Variants in LPIN2 observed in about 807,000 individuals in gnomAD.
LPIN2 encodes the protein lipin 2, also known as phosphatidate phosphatase LPIN2.
In LPIN2, 55 loss-of-function variants were observed where a neutral mutation model predicts 111.4. The observed-to-expected ratio is 0.49, with a 90% CI of 0.40 to 0.62. The LOEUF (loss-of-function observed/expected upper bound fraction) is 0.62. Among genes scored for constraint, LPIN2 ranks in the 20% least tolerant of loss-of-function variants. The pLI is 0.00. For synonymous variants in LPIN2, 425 were observed against 414.0 expected (o/e 1.03, Z -0.32); for missense variants, 992 against 1,112.1 (o/e 0.89, Z 1.54).
At chr18:3,010,032 A>G (rs2078576629) in intron 1 of LPIN2, among the ~76,000 whole-genome samples, 1 of 152,140 alleles carries the variant, frequency 6.6e-6, no homozygotes, top group African/African-American at 2.4e-5. Flanking sequence ...TCCTGCTGAA[A>G]ATCAAGAGCA....
Position 3,013,134 on chromosome 18 carries a change from G to C in LPIN2, c.-57C>G, listed in dbSNP as rs929908227. 5.3e-5 allele frequency: 8 copies of C among 150,612 alleles called. No individual in the cohort carries two copies. The highest frequency in any genetic ancestry group is 1.2e-4 in the Non-Finnish European group (8 of 67,430). 9.3% of individuals were successfully genotyped at this position (150,612 alleles called of 1,614,324 possible). A position where few individuals can be genotyped will look rare whatever the true frequency, so the allele number is the denominator to read the frequency against. On this transcript the variant is annotated 5_prime_UTR_variant, in exon 1 of 20. Coordinates refer to ENST00000677752, the MANE Select transcript of LPIN2 (RefSeq NM_001375808.2). Reference sequence around the variant, plus strand: ...CAGCGGGCGGCTGAGGGCAGGCGGCGGCTGGACTGCGACGGCTAGGACCCG... The same window carrying C: ...CAGCGGGCGGCTGAGGGCAGGCGGCCGCTGGACTGCGACGGCTAGGACCCG...
At chr18:2,938,171 A>G (rs995731010) in intron 6 of LPIN2, 134 bp from the exon 7 acceptor site, 31 of 698,036 alleles carry the variant, frequency 4.4e-5, no homozygotes, top group Non-Finnish European at 7.1e-5. Flanking sequence ...GTACATGTAA[A>G]AATTCCATAA....
intron 1 of LPIN2, among the ~76,000 whole-genome samples, chr18:2,985,617 GT>G (rs2078176970): frequency 6.6e-6 from 1 of 151,914 alleles, no homozygotes; most frequent in Non-Finnish European, 1.5e-5. Context: ...TACCTTCTTT[GT>G]TTTTGTTTTT....
intron 4 of LPIN2, among the ~76,000 whole-genome samples, chr18:2,949,337 C>T (rs920012892): frequency 1.3e-5 from 2 of 152,124 alleles, no homozygotes; most frequent in African/African-American, 4.8e-5. Flanking sequence ...TGAAACTCTT[C>T]TCAGCTAGTA....
intron 1 of LPIN2, among the ~76,000 whole-genome samples, chr18:2,973,785 G>T (rs1768822513): frequency 6.6e-6 from 1 of 152,172 alleles, no homozygotes; most frequent in African/African-American, 2.4e-5. Flanking sequence ...AAACACATAG[G>T]CTGAAGGTAA....
intron 1 of LPIN2, among the ~76,000 whole-genome samples, chr18:2,961,558 C>T (rs912906333): frequency 2.0e-5 from 3 of 152,152 alleles, no homozygotes; most frequent in Non-Finnish European, 2.9e-5. Context: ...ATTCACTATT[C>T]AAATCACAAT....
At chr18:2,940,757 G>C (rs752355794) in intron 4 of LPIN2, 45 bp from the exon 5 acceptor site, 1 of 1,176,664 alleles carries the variant, frequency 8.5e-7, no homozygotes, top group Non-Finnish European at 1.3e-6. Context: ...TGACATTCTT[G>C]TCAGCTTTAA....
Position 2,925,342 on chromosome 18 carries a change from T to G in LPIN2, c.1820A>C (p.Asp607Ala). ...TTCTTCGAGCTCCTGTGATCCCTCG[T>G]CACTCGAGGAGTCATTCTCGGCCGG... ...ARPAENDSSS[D>A]EGSQELEESI... Residue 607 changes from aspartate (D) to alanine (A), a missense_variant, in exon 14 of 20, where the codon GAC becomes GCC. Physicochemically the swap from Asp to Ala is moderately radical, Grantham distance 126 (BLOSUM62 -2). Around this residue, in one of 4 missense-constraint regions of LPIN2, gnomAD observed 709 missense variants for 753.2 expected, o/e 0.94. Transcript: ENST00000677752. The surrounding 1 kb of genome is among the most constrained non-coding windows in gnomAD (Gnocchi z 4.1). The G allele has an allele frequency of 6.2e-7, 1 of 1,614,142 alleles. No homozygotes were observed. Among genetic ancestry groups the G allele is most frequent in the Non-Finnish European group, 8.5e-7 (1 of 1,180,012 alleles).
intron 1 of LPIN2, among the ~76,000 whole-genome samples, chr18:2,999,479 C>G (rs2078397181): frequency 6.6e-6 from 1 of 152,070 alleles, no homozygotes; most frequent in Non-Finnish European, 1.5e-5. Context: ...GTTGCAGGCG[C>G]CTGTAGTCCC....
intron 1 of LPIN2, 101 bp downstream of exon 1, chr18:3,012,986 A>G (rs1408903097): frequency 2.7e-5 from 4 of 150,792 alleles, no homozygotes; most frequent in African/African-American, 7.3e-5. Flanking sequence ...GGCCTCCGGC[A>G]GGACAGCCCC....
chr18:2,940,725 A>C lies in LPIN2; in HGVS notation c.591-13T>G, dbSNP rs759793736. The C allele has an allele frequency of 2.0e-6, 3 of 1,506,538 alleles. No homozygotes were observed. The highest frequency in any genetic ancestry group is 2.3e-5 in the South Asian group (2 of 88,734). 93.3% of individuals were successfully genotyped at this position (1,506,538 alleles called of 1,614,324 possible). On this transcript the variant is annotated splice_polypyrimidine_tract_variant and intron_variant, in intron 4 of 19. Transcript: ENST00000677752. The stretch of plus-strand genomic sequence containing the variant: ...ATTTGAAGATCCTCTGTGAAGGAGA[A>C]ACCAAAGAAAGGCAGGAACGATGAC...
At chr18:2,983,701 T>G (rs1052046478) in intron 1 of LPIN2, among the ~76,000 whole-genome samples, 3 of 152,020 alleles carry the variant, frequency 2.0e-5, no homozygotes, top group African/African-American at 7.2e-5. Flanking sequence ...GAAAAGAGAA[T>G]AAAAAAACTC....
At chr18:2,940,791 C>T in intron 4 of LPIN2, 79 bp from the exon 5 acceptor site, 1 of 804,456 alleles carries the variant, frequency 1.2e-6, no homozygotes, top group Non-Finnish European at 2.1e-6. Flanking sequence ...CCTACTGATA[C>T]TACAAACAAT....
At chr18:2,988,167 T>C (rs1249498257) in intron 1 of LPIN2, among the ~76,000 whole-genome samples, 2 of 152,074 alleles carry the variant, frequency 1.3e-5, no homozygotes, top group Non-Finnish European at 2.9e-5. Flanking sequence ...TCTCTCCAAA[T>C]TTCTGGTTCT....
chr18:2,929,251 A>G (rs2077180269), intron 9 of LPIN2, 93 bp from the exon 10 acceptor site: 2 of 869,570 alleles, frequency 2.3e-6, no homozygotes. Context: ...ATTGAAGGCT[A>G]AAATCATCTG....
At chr18:2,988,621 T>G (rs1021827923) in intron 1 of LPIN2, among the ~76,000 whole-genome samples, 1 of 152,184 alleles carries the variant, frequency 6.6e-6, no homozygotes, top group South Asian at 2.1e-4. Flanking sequence ...AAAGCCTCAA[T>G]GCACTAAGTA....
intron 1 of LPIN2, among the ~76,000 whole-genome samples, chr18:2,971,508 GA>G (rs2077910895): frequency 6.6e-6 from 1 of 152,156 alleles, no homozygotes; most frequent in African/African-American, 2.4e-5. Flanking sequence ...GTAAGGAAGA[GA>G]AAAGTCCCGC....
rs3765622 is a variant in LPIN2 at position 2,934,538 on chromosome 18, G to C, written c.1169-88C>G. The C allele has an allele frequency of 0.31, 259,290 of 829,746 alleles. 43,653 individuals carry two copies. Among genetic ancestry groups the C allele is most frequent in the East Asian group, 0.59 (22,385 of 37,982 alleles). 51.4% of individuals were successfully genotyped at this position (829,746 alleles called of 1,614,324 possible). A position where few individuals can be genotyped will look rare whatever the true frequency, so the allele number is the denominator to read the frequency against. The stretch of plus-strand genomic sequence containing the variant: ...ACACGCACGTTTGCAAACAGTAAGA[G>C]TGACAAGCAGGATTTGAATAGGGTT... On this transcript the variant is annotated intron_variant, in intron 7 of 19. Coordinates refer to ENST00000677752, the MANE Select transcript of LPIN2 (RefSeq NM_001375808.2).
Position 2,924,391 on chromosome 18 carries a change from AGCTTACT to A in LPIN2, c.2087_2087+6del, listed in dbSNP as rs778785158. 6 of 1,614,066 alleles carry A rather than the reference AGCTTACT, an allele frequency of 3.7e-6. No individual in the cohort carries two copies. The highest frequency in any genetic ancestry group is 5.1e-6 in the Non-Finnish European group (6 of 1,180,014). ...TCCTTGCCACCCACCTGAAGGATTGAGCTTACTTGGTTATTGTCCCATCAATATCAGA... is the reference window on the plus strand; with the variant it reads ...TCCTTGCCACCCACCTGAAGGATTGATGGTTATTGTCCCATCAATATCAGA... On this transcript the variant is annotated splice_donor_variant and splice_donor_5th_base_variant and coding_sequence_variant and intron_variant, in exon 15 of 20. Transcript: ENST00000677752. LOFTEE classifies it high-confidence loss of function.
Sources: gnomAD v4.1 joint callset for allele counts (sites outside exome capture counted in the v4.1 genomes callset) on GRCh38, gnomAD v4.1.1 for gene constraint, gnomAD v4.1.1 regional missense constraint, Gnocchi (gnomAD v3.1) non-coding constraint, MANE v1.5 for transcripts, NCBI Gene and HGNC (gene_info 2026-07-23, HGNC 2026-07-21) for gene names.